Variants in NAV3 observed in about 807,000 individuals in gnomAD.
NAV3 encodes pore membrane and/or filament interacting like protein 1.
In NAV3, 87 loss-of-function variants were observed where a neutral mutation model predicts 244.7. The observed-to-expected ratio is 0.36, with a 90% CI of 0.30 to 0.42. The LOEUF (loss-of-function observed/expected upper bound fraction) is 0.42. NAV3 is among the 20% of genes least tolerant of loss of function. NAV3 has a pLI of 1.00. For missense variants in NAV3, 2,663 were observed against 2,893.3 expected, an observed-to-expected ratio of 0.92 and a Z score of 1.83; for synonymous variants, 1,126 against 1,042.2, an observed-to-expected ratio of 1.08 and a Z score of -1.55.
At chr12:77,973,105 T>A (rs1185158623) in intron 5 of NAV3, among the ~76,000 whole-genome samples, 1 of 152,200 alleles carries the variant, frequency 6.6e-6, no homozygotes, top group Non-Finnish European at 1.5e-5. Context: ...AAAGCTTTTT[T>A]AAAAGACGTG....
intron 2 of NAV3, among the ~76,000 whole-genome samples, chr12:77,707,154 A>G (rs530829224): frequency 8.7e-5 from 13 of 150,258 alleles, no homozygotes; most frequent in Non-Finnish European, 1.9e-4. Context: ...GGTGTGCTGC[A>G]CCCATTAACT....
Position 77,691,320 on chromosome 12 carries a change from A to T in NAV3, c.72+119054A>T, listed in dbSNP as rs1312330569. On this transcript the variant is annotated intron_variant, in intron 2 of 8. Coordinates refer to the NAV3 transcript ENST00000550042. Reference sequence around the variant, plus strand: ...AGAGGAATCTATATAGTCATATATAAGTATTTGTGTATGTGTGTATATATA... The same window carrying T: ...AGAGGAATCTATATAGTCATATATATGTATTTGTGTATGTGTGTATATATA... 9.6e-4 allele frequency among the ~76,000 whole-genome samples: 17 copies of T among 17,702 alleles called. No homozygotes were observed. The South Asian group carries it at 0.026, about 27-fold the overall frequency. 11.6% of individuals were successfully genotyped at this position (17,702 alleles called of 152,430 possible). A position where few individuals can be genotyped will look rare whatever the true frequency, so the allele number is the denominator to read the frequency against.
In NAV3 at chr12:78,050,967, T is replaced by C. The variant is rs779465921; in HGVS notation, c.2336T>C (p.Phe779Ser). ...SRFIHTDPSR[F>S]MYTTPLRRAA... ...TTCATCCACACAGACCCCTCGAGGT[T>C]CATGTATACCACGCCTCTCCGTCGA... is the stretch of plus-strand genomic sequence containing the variant. Residue 779 changes from phenylalanine to serine, a missense_variant, in exon 11 of 40, where the codon TTC becomes TCC. This residue lies in a region of NAV3 where 1,521 missense variants were observed against 1,497.0 expected (regional missense o/e 1.02). Coordinates refer to ENST00000397909, the MANE Select transcript of NAV3 (RefSeq NM_001024383.2). 3.1e-6 allele frequency: 5 copies of C among 1,613,924 alleles called. No homozygotes were observed. The African/African-American group carries it at 6.7e-5, about 22-fold the overall frequency.
intron 1 of NAV3, among the ~76,000 whole-genome samples, chr12:77,895,736 T>G (rs1884524792): frequency 8.1e-6 from 1 of 123,654 alleles, no homozygotes; most frequent in South Asian, 2.5e-4. Context: ...ATGTACCCTC[T>G]TGTTTTTTTT....
At chr12:78,059,871 C>T (rs1884072064) in intron 12 of NAV3, among the ~76,000 whole-genome samples, 1 of 151,724 alleles carries the variant, frequency 6.6e-6, no homozygotes, top group African/African-American at 2.4e-5. Context: ...GTATAATAAG[C>T]TTGATGCTTT....
At position 77,832,635 on chromosome 12, in the gene NAV3, A is replaced by G. The variant is rs563796282; in HGVS notation, c.243+931A>G. On this transcript the variant is annotated intron_variant, in intron 1 of 39. Transcript: ENST00000397909. ...TTTATCATGTCTTTGTGTTGCAAAC[A>G]TTATATATTCTTTTAGTTATTTAAA... Among the ~76,000 whole-genome samples, 102 of 152,322 alleles carry G rather than the reference A, an allele frequency of 6.7e-4. No individual in the cohort carries two copies. The Middle Eastern group carries it at 0.017, about 25-fold the overall frequency.
In NAV3 at chr12:77,785,361, C is replaced by T. The variant is rs146170127; in HGVS notation, c.73-154958C>T. Among the ~76,000 whole-genome samples, 366 of 152,154 alleles carry T rather than the reference C, an allele frequency of 2.4e-3. 2 individuals carry two copies. The highest frequency in any genetic ancestry group is 8.4e-3 in the African/African-American group (349 of 41,506). ...CTTCCTTCCTGGGAGACACTATTTCCCATGACAATGTACAGTGCCAGGAGG... is the reference window on the plus strand; with the variant it reads ...CTTCCTTCCTGGGAGACACTATTTCTCATGACAATGTACAGTGCCAGGAGG... On this transcript the variant is annotated intron_variant, in intron 2 of 8. Coordinates refer to the NAV3 transcript ENST00000550042.
chr12:77,760,791 AC>A (rs1449399141), intron 2 of NAV3, among the ~76,000 whole-genome samples: 2 of 152,212 alleles, frequency 1.3e-5, no homozygotes, highest in African/African-American at 4.8e-5. Flanking sequence ...ATGTTTCAAA[AC>A]TTTTATCAAG....
chr12:78,003,554 A>G (rs1485501400), intron 7 of NAV3, among the ~76,000 whole-genome samples: 2 of 152,250 alleles, frequency 1.3e-5, no homozygotes, highest in Non-Finnish European at 2.9e-5. Context: ...AAAAAGAGAT[A>G]AGCGATTAAG....
At chr12:78,175,193 A>T in intron 24 of NAV3, 113 bp from the exon 25 acceptor site, 1 of 1,176,854 alleles carries the variant, frequency 8.5e-7, no homozygotes, top group Non-Finnish European at 1.2e-6. Flanking sequence ...AATTATCTGT[A>T]CAAAGCCTTG....
intron 24 of NAV3, among the ~76,000 whole-genome samples, chr12:78,170,618 AT>A (rs1191453714): frequency 1.3e-5 from 2 of 151,774 alleles, no homozygotes; most frequent in African/African-American, 4.8e-5. Context: ...TTCAACAAAT[AT>A]TTATTCATAA....
At chr12:77,962,414 T>C (rs531462931) in intron 3 of NAV3, among the ~76,000 whole-genome samples, 46 of 152,298 alleles carry the variant, frequency 3.0e-4, no homozygotes, top group African/African-American at 1.1e-3. Flanking sequence ...CCATTCATGA[T>C]CTTTTCCATC....
intron 2 of NAV3, among the ~76,000 whole-genome samples, chr12:77,673,677 T>C (rs1874086885): frequency 6.6e-6 from 1 of 152,084 alleles, no homozygotes; most frequent in African/African-American, 2.4e-5. Flanking sequence ...TCCTAAGATT[T>C]ACCCATTTAA....
chr12:78,032,819 GT>G lies in NAV3; in HGVS notation c.2023+10958del, dbSNP rs1205153251. 2.2e-4 allele frequency among the ~76,000 whole-genome samples: 34 copies of G among 152,240 alleles called. No individual in the cohort carries two copies. In the East Asian group the frequency reaches 6.4e-3, roughly 28 times the overall value. On this transcript the variant is annotated intron_variant, in intron 9 of 39. Coordinates refer to ENST00000397909, the MANE Select transcript of NAV3 (RefSeq NM_001024383.2). The stretch of plus-strand genomic sequence containing the variant: ...GGCCATCCCTTTCATCATCTTCCAA[GT>G]GATTCTGCCAAATGTAAAGCGAGCC...
chr12:78,128,923 G>A (rs1956045145), intron 18 of NAV3, 57 bp downstream of exon 18: 2 of 1,519,602 alleles, frequency 1.3e-6, no homozygotes, highest in South Asian at 2.4e-5. Context: ...CACTCTCACA[G>A]AAACCCTGGA....
intron 2 of NAV3, among the ~76,000 whole-genome samples, chr12:77,797,679 A>G (rs2135961115): frequency 6.6e-6 from 1 of 151,554 alleles, no homozygotes; most frequent in African/African-American, 2.4e-5. Flanking sequence ...CGTCTCTACT[A>G]CAAATACAAC....
intron 2 of NAV3, among the ~76,000 whole-genome samples, chr12:77,737,257 A>G (rs901028707): frequency 4.7e-5 from 7 of 149,590 alleles, no homozygotes; most frequent in African/African-American, 1.7e-4. Context: ...CTGAGGGGTC[A>G]TTAGTCTTTG....
intron 2 of NAV3, among the ~76,000 whole-genome samples, chr12:77,608,890 C>A (rs903812429): frequency 6.6e-6 from 1 of 152,002 alleles, no homozygotes; most frequent in African/African-American, 2.4e-5. Context: ...CATCAAGTCA[C>A]CTAACATTTA....
chr12:78,134,650 A>G (rs1294703174), intron 18 of NAV3, among the ~76,000 whole-genome samples: 1 of 152,156 alleles, frequency 6.6e-6, no homozygotes, highest in East Asian at 1.9e-4. Context: ...AGCACTCAGG[A>G]GGCTGGGGCA....
Sources: allele counts gnomAD v4.1 joint callset (sites outside exome capture counted in the v4.1 genomes callset), GRCh38; gene constraint gnomAD v4.1.1; regional missense constraint gnomAD v4.1.1; transcripts MANE v1.5; gene names NCBI Gene and HGNC (gene_info 2026-07-23, HGNC 2026-07-21).